ARHGAP21: variants seen among roughly 807,000 people sequenced by gnomAD.
ARHGAP21 encodes the protein rho GTPase-activating protein 21.
ARHGAP21 carries 38 observed loss-of-function variants against 164.6 expected under a neutral mutation model. The ratio of observed to expected loss-of-function variants is 0.23; its 90% confidence interval spans 0.18 to 0.30. The LOEUF is 0.30. Ranked by LOEUF, ARHGAP21 falls within the 10% of genes least tolerant of loss-of-function variation. ARHGAP21 has a pLI of 1.00. For missense variants in ARHGAP21, 1,822 were observed against 2,370.7 expected, an observed-to-expected ratio of 0.77 and a Z score of 4.81; for synonymous variants, 766 against 857.9, an observed-to-expected ratio of 0.89 and a Z score of 1.87.
At chr10:24,648,632 T>C (rs1158856282) in intron 4 of ARHGAP21, among the ~76,000 whole-genome samples, 1 of 151,942 alleles carries the variant, frequency 6.6e-6, no homozygotes, top group African/African-American at 2.4e-5. Context: ...ATACAAAAAT[T>C]AGCCAGGCGT....
intron 4 of ARHGAP21, among the ~76,000 whole-genome samples, chr10:24,644,654 TG>T (rs1280257541): frequency 6.6e-6 from 1 of 152,270 alleles, no homozygotes; most frequent in East Asian, 1.9e-4. Flanking sequence ...CCACTCCCCT[TG>T]CCCCACTTAA....
intron 24 of ARHGAP21, chr10:24,590,563 G>C: frequency 1.3e-6 from 2 of 1,482,846 alleles, no homozygotes; most frequent in Non-Finnish European, 1.8e-6. Context: ...AGAGACAAAG[G>C]GAGAACATTG....
intron 2 of ARHGAP21, among the ~76,000 whole-genome samples, chr10:24,681,188 A>T (rs1555005064): frequency 6.6e-6 from 1 of 152,236 alleles, no homozygotes. Flanking sequence ...GGAACAATGG[A>T]AATGTTCCAA....
chr10:24,636,063 T>C (rs1593115195), intron 4 of ARHGAP21, among the ~76,000 whole-genome samples: 3 of 152,358 alleles, frequency 2.0e-5, no homozygotes, highest in South Asian at 4.1e-4. Context: ...CTGTTTTCCA[T>C]GGATCATTGG....
intron 4 of ARHGAP21, among the ~76,000 whole-genome samples, chr10:24,642,376 G>A (rs1837138562): frequency 2.0e-5 from 3 of 151,850 alleles, no homozygotes; most frequent in South Asian, 4.2e-4. Flanking sequence ...TTAGCCGGGC[G>A]TGGTAGCGGG....
intron 9 of ARHGAP21, among the ~76,000 whole-genome samples, chr10:24,612,803 C>T (rs942597977): frequency 7.2e-5 from 11 of 151,962 alleles, no homozygotes; most frequent in African/African-American, 2.4e-4. Context: ...TGCAGTGAGC[C>T]GAGATCAGGC....
chr10:24,608,109 T>C (rs981774673), intron 9 of ARHGAP21, among the ~76,000 whole-genome samples: 1 of 151,182 alleles, frequency 6.6e-6, no homozygotes, highest in Non-Finnish European at 1.5e-5. Context: ...GAATATGGTG[T>C]AAGAAATTAA....
Position 24,619,649 on chromosome 10 carries a change from T to C in ARHGAP21, c.2246A>G (p.Gln749Arg). ...EKPPSGRQTP[Q>R]PLRHQSYILA... The stretch of plus-strand genomic sequence containing the variant: ...GATGTAAGACTGATGCCTTAAAGGC[T>C]GCGGTGTCTGGCGTCCAGATGGAGG... Residue 749 changes from glutamine (Q) to arginine (R), a missense_variant, in exon 9 of 26, where the codon CAG becomes CGG. By Grantham distance (43) the Gln-to-Arg change is conservative. Transcript: ENST00000396432. The C allele has an allele frequency of 6.2e-7, 1 of 1,614,220 alleles. No individual in the cohort carries two copies. The highest frequency in any genetic ancestry group is 1.1e-5 in the South Asian group (1 of 91,088).
chr10:24,596,460 T>C (rs1183660501), intron 17 of ARHGAP21: 4 of 538,584 alleles, frequency 7.4e-6, no homozygotes, highest in Non-Finnish European at 1.3e-5. Flanking sequence ...GTTCTCATCC[T>C]TGTTTTAAAA....
At chr10:24,671,723 A>ATTTT (rs35051359) in intron 2 of ARHGAP21, among the ~76,000 whole-genome samples, 1 of 140,138 alleles carries the variant, frequency 7.1e-6, no homozygotes, top group African/African-American at 2.7e-5. Flanking sequence ...TCTTAACAAA[A>ATTTT]TTTTTTTTTT....
At chr10:24,676,615 C>T (rs144272702) in intron 2 of ARHGAP21, among the ~76,000 whole-genome samples, 7 of 152,066 alleles carry the variant, frequency 4.6e-5, no homozygotes, top group Admixed American at 4.6e-4. Flanking sequence ...TGCTAAAAGC[C>T]CAGACTTCAC....
chr10:24,607,121 C>A (rs998562326), intron 11 of ARHGAP21, among the ~76,000 whole-genome samples: 4 of 152,118 alleles, frequency 2.6e-5, no homozygotes, highest in Non-Finnish European at 5.9e-5. Flanking sequence ...AGTGTCTATA[C>A]CATGTGTCAT....
chr10:24,623,886 C>T (rs1834824859), intron 7 of ARHGAP21, among the ~76,000 whole-genome samples: 1 of 152,114 alleles, frequency 6.6e-6, no homozygotes, highest in Non-Finnish European at 1.5e-5. Context: ...TTGGGTAATG[C>T]TATTCTAGAA....
chr10:24,646,883 A>G (rs1477664204), intron 4 of ARHGAP21, among the ~76,000 whole-genome samples: 1 of 152,236 alleles, frequency 6.6e-6, no homozygotes, highest in Non-Finnish European at 1.5e-5. Flanking sequence ...AATTTAGAAA[A>G]AAAAGCTCAA....
At chr10:24,708,772 G>A (rs1461620740) in intron 2 of ARHGAP21, among the ~76,000 whole-genome samples, 1 of 152,124 alleles carries the variant, frequency 6.6e-6, no homozygotes, top group Non-Finnish European at 1.5e-5. Context: ...TCTTTCTTAT[G>A]GCTGAATAGT....
At chr10:24,702,791 G>C (rs189998572) in intron 2 of ARHGAP21, among the ~76,000 whole-genome samples, 71 of 152,136 alleles carry the variant, frequency 4.7e-4, no homozygotes, top group Non-Finnish European at 6.9e-4. Context: ...TATTGCCCAG[G>C]CTGTTATTAA....
At chr10:24,674,160 T>C (rs1840986239) in intron 2 of ARHGAP21, among the ~76,000 whole-genome samples, 1 of 152,190 alleles carries the variant, frequency 6.6e-6, no homozygotes, top group Non-Finnish European at 1.5e-5. Context: ...TTTGGGAGAC[T>C]GAGGCAGGAG....
At chr10:24,698,808 A>G (rs1440104136) in intron 2 of ARHGAP21, among the ~76,000 whole-genome samples, 1 of 152,232 alleles carries the variant, frequency 6.6e-6, no homozygotes, top group African/African-American at 2.4e-5. Flanking sequence ...GCAATTATGC[A>G]TATTGTTAAA....
chr10:24,705,566 A>C (rs1330071799), intron 2 of ARHGAP21, among the ~76,000 whole-genome samples: 2 of 152,242 alleles, frequency 1.3e-5, no homozygotes, highest in African/African-American at 4.8e-5. Flanking sequence ...ATAAACGAAG[A>C]AGCTCACATC....
Sources: allele counts gnomAD v4.1 joint callset (sites outside exome capture counted in the v4.1 genomes callset), GRCh38; gene constraint gnomAD v4.1.1; transcripts MANE v1.5; gene names NCBI Gene and HGNC (gene_info 2026-07-23, HGNC 2026-07-21).